DDA1: variants seen among roughly 807,000 people sequenced by gnomAD.
The protein encoded by DDA1 is DET1 and DDB1 associated 1.
In DDA1, 3 loss-of-function variants were observed where a neutral mutation model predicts 18.6. That is an observed-to-expected ratio of 0.16 (90% confidence interval 0.07 to 0.42). The LOEUF (loss-of-function observed/expected upper bound fraction) is 0.42, where lower values mean the gene tolerates loss of function less well. Among genes scored for constraint, DDA1 ranks in the 10% least tolerant of loss-of-function variants. The pLI, the probability that DDA1 is intolerant of heterozygous loss-of-function variation, is 0.99. For missense variants in DDA1, 105 were observed against 138.2 expected (o/e 0.76, Z 1.20); for synonymous variants, 52 against 54.0 (o/e 0.96, Z 0.17).
intron 4 of DDA1, among the ~76,000 whole-genome samples, chr19:17,317,593 A>G (rs2074219844): frequency 6.7e-6 from 1 of 149,828 alleles, no homozygotes; most frequent in Non-Finnish European, 1.5e-5. Flanking sequence ...GAACTGCCTG[A>G]GAGGCTGACG....
chr19:17,319,420 C>T (rs1180934139), intron 4 of DDA1, 126 bp from the exon 5 acceptor site: 20 of 699,738 alleles, frequency 2.9e-5, no homozygotes, highest in East Asian at 8.2e-5. Context: ...AAATATTAAG[C>T]GTGGTGGTAT....
At chr19:17,319,461 G>A (rs748890649) in intron 4 of DDA1, 85 bp from the exon 5 acceptor site, 24 of 1,147,082 alleles carry the variant, frequency 2.1e-5, no homozygotes, top group African/African-American at 1.7e-4. Context: ...TCCAGAGGCT[G>A]AGCTGGGAGG....
At chr19:17,310,800 C>T (rs1445069905) in intron 1 of DDA1, among the ~76,000 whole-genome samples, 1 of 152,172 alleles carries the variant, frequency 6.6e-6, no homozygotes, top group Admixed American at 6.5e-5. Context: ...TTGTCTCTGC[C>T]TTCTGAACAC....
rs1450359042 is a variant in DDA1 at position 17,320,838 on chromosome 19, A to C, written c.*1182A>C. 6.6e-6 allele frequency: 1 copy of C among 152,418 alleles called. No homozygotes were observed. The highest frequency in any genetic ancestry group is 2.4e-5 in the African/African-American group (1 of 41,400). The allele number at this position is 152,418 out of a possible 1,614,324, so 9.4% of individuals were successfully genotyped here. A position where few individuals can be genotyped will look rare whatever the true frequency, so the allele number is the denominator to read the frequency against. On this transcript the variant is annotated 3_prime_UTR_variant, in exon 5 of 5. Coordinates refer to ENST00000359866, the MANE Select transcript of DDA1 (RefSeq NM_024050.6). ...GCCAGCTGGGCTGGGTTTGGGGCTG[A>C]GCTTGGGTATGTAGGGGTGTTCGGG... is the stretch of plus-strand genomic sequence containing the variant.
chr19:17,313,656 T>C (rs2074189467), intron 1 of DDA1, among the ~76,000 whole-genome samples: 1 of 152,098 alleles, frequency 6.6e-6, no homozygotes, highest in Non-Finnish European at 1.5e-5. Flanking sequence ...TTGGCCAGGC[T>C]GGTCTCAAAC....
At chr19:17,317,269 G>A (rs994943255) in intron 4 of DDA1, among the ~76,000 whole-genome samples, 4 of 151,932 alleles carry the variant, frequency 2.6e-5, no homozygotes, top group African/African-American at 9.7e-5. Context: ...CAGGACTTTG[G>A]GAGGCCGAGT....
chr19:17,315,302 GTGTATA>G lies in DDA1; in HGVS notation c.137-630_137-625del, dbSNP rs201022676. ...ATACACACACTATATATATACACAC[GTGTATA>G]TATATACACGCTATATATATACACA... On this transcript the variant is annotated intron_variant, in intron 3 of 4. Transcript: ENST00000359866. 2.6e-3 allele frequency among the ~76,000 whole-genome samples: 75 copies of G among 28,940 alleles called. 7 individuals carry two copies. Among genetic ancestry groups the G allele is most frequent in the Non-Finnish European group, 3.3e-3 (42 of 12,864 alleles). The allele number at this position is 28,940 out of a possible 152,430, so 19.0% of individuals were successfully genotyped here.
rs2074245958 is a variant in DDA1 at position 17,322,773 on chromosome 19, CG to C, written c.*3121del. 1 of 152,260 alleles carries C rather than the reference CG, an allele frequency of 6.6e-6. No homozygotes were observed. The highest frequency in any genetic ancestry group is 2.4e-5 in the African/African-American group (1 of 41,444). The allele number at this position is 152,260 out of a possible 1,614,324, so 9.4% of individuals were successfully genotyped here. A position where few individuals can be genotyped will look rare whatever the true frequency, so the allele number is the denominator to read the frequency against. On this transcript the variant is annotated 3_prime_UTR_variant, in exon 5 of 5. Transcript: ENST00000359866. ...GTGCCATTCTCTCAGTATCACAAGT[CG>C]GGGACTGCAGGAGGCTCAGGTGCCA...
intron 1 of DDA1, 145 bp downstream of exon 1, chr19:17,309,802 C>T: frequency 9.4e-7 from 1 of 1,067,720 alleles, no homozygotes; most frequent in Non-Finnish European, 1.3e-6. Flanking sequence ...CACCTGTGAC[C>T]TTCGACCCCC....
chr19:17,312,767 A>G (rs2074185149), intron 1 of DDA1, among the ~76,000 whole-genome samples: 1 of 152,144 alleles, frequency 6.6e-6, no homozygotes, highest in Non-Finnish European at 1.5e-5. Context: ...GGTGCCTGCT[A>G]GGGCCCCAGA....
intron 4 of DDA1, among the ~76,000 whole-genome samples, chr19:17,316,353 G>A (rs1349704867): frequency 1.1e-4 from 16 of 151,804 alleles, no homozygotes; most frequent in Admixed American, 2.0e-4. Context: ...AGGCTGAGGC[G>A]GGCGGATCAC....
chr19:17,312,615 T>G (rs1190169404), intron 1 of DDA1, among the ~76,000 whole-genome samples: 1 of 152,102 alleles, frequency 6.6e-6, no homozygotes, highest in East Asian at 1.9e-4. Flanking sequence ...ATCCCCTAAA[T>G]GGGCCAGAGC....
chr19:17,311,656 C>T (rs2074179568), intron 1 of DDA1, among the ~76,000 whole-genome samples: 1 of 152,230 alleles, frequency 6.6e-6, no homozygotes, highest in Non-Finnish European at 1.5e-5. Context: ...GTTCCTGCTA[C>T]CCCAGGGCCT....
chr19:17,322,511 G>C lies in DDA1; in HGVS notation c.*2855G>C, dbSNP rs779863463. On this transcript the variant is annotated 3_prime_UTR_variant, in exon 5 of 5. Transcript: ENST00000359866. ...TCTGACTTCTCCACAGCCTCCCAAA[G>C]GGCCCCTTGCTCACACTGGCCCAGC... The C allele has an allele frequency of 2.6e-5, 4 of 152,598 alleles. No individual in the cohort carries two copies. The highest frequency in any genetic ancestry group is 7.2e-5 in the African/African-American group (3 of 41,452). 9.5% of individuals were successfully genotyped at this position (152,598 alleles called of 1,614,324 possible). A position where few individuals can be genotyped will look rare whatever the true frequency, so the allele number is the denominator to read the frequency against.
At position 17,315,187 on chromosome 19, in the gene DDA1, ACACACACGTGTATACACACGTG is replaced by A. The variant is rs1568353688; in HGVS notation, c.137-746_137-725del. 1.2e-4 allele frequency among the ~76,000 whole-genome samples: 3 copies of A among 26,032 alleles called. 1 individual carries two copies. Among genetic ancestry groups the A allele is most frequent in the African/African-American group, 8.9e-4 (3 of 3,372 alleles). The allele number at this position is 26,032 out of a possible 152,430, so 17.1% of individuals were successfully genotyped here. On this transcript the variant is annotated intron_variant, in intron 3 of 4. Coordinates refer to ENST00000359866, the MANE Select transcript of DDA1 (RefSeq NM_024050.6). ...CACGTGTATATACACACACGTGTATACACACACGTGTATACACACGTGTATATACACACACGTGTATACACAC... is the reference window on the plus strand; with the variant it reads ...CACGTGTATATACACACACGTGTATATATATACACACACGTGTATACACAC...
chr19:17,312,547 CCCT>C (rs1253266880), intron 1 of DDA1, among the ~76,000 whole-genome samples: 1 of 152,038 alleles, frequency 6.6e-6, no homozygotes, highest in African/African-American at 2.4e-5. Context: ...GGACAGGGAC[CCCT>C]CCTCACCCTT....
intron 4 of DDA1, among the ~76,000 whole-genome samples, chr19:17,317,425 G>T (rs1292031052): frequency 6.6e-6 from 1 of 151,624 alleles, no homozygotes; most frequent in Admixed American, 6.6e-5. Context: ...GCTGAGGCGG[G>T]AGAATGGTGT....
chr19:17,318,059 T>G (rs2074222253), intron 4 of DDA1, among the ~76,000 whole-genome samples: 1 of 151,882 alleles, frequency 6.6e-6, no homozygotes, highest in African/African-American at 2.4e-5. Context: ...GGTCTTGCTC[T>G]GTCACCCAGG....
intron 4 of DDA1, among the ~76,000 whole-genome samples, chr19:17,317,636 C>A (rs572781433): frequency 6.7e-6 from 1 of 148,416 alleles, no homozygotes; most frequent in Admixed American, 6.7e-5. Flanking sequence ...GAGTTTGAGA[C>A]CAGTCTAGGC....
Sources: allele counts gnomAD v4.1 joint callset (sites outside exome capture counted in the v4.1 genomes callset), GRCh38; gene constraint gnomAD v4.1.1; transcripts MANE v1.5; gene names NCBI Gene and HGNC (gene_info 2026-07-23, HGNC 2026-07-21).